Variants in LUZP2 observed in about 807,000 individuals in gnomAD.
The protein encoded by LUZP2 is leucine zipper protein 2.
In LUZP2, 52 loss-of-function variants were observed where a neutral mutation model predicts 51.6. The observed-to-expected ratio is 1.01, with a 90% confidence interval of 0.81 to 1.27. The LOEUF (loss-of-function observed/expected upper bound fraction) is 1.27, where lower values mean the gene tolerates loss of function less well. Among genes scored for constraint, LUZP2 ranks in the 50% most tolerant of loss-of-function variants. The pLI, the probability that LUZP2 is intolerant of heterozygous loss-of-function variation, is 0.00. For synonymous variants in LUZP2, 154 were observed against 137.3 expected (o/e 1.12, Z -0.85); for missense variants, 436 against 395.4 (o/e 1.10, Z -0.87).
intron 5 of LUZP2, among the ~76,000 whole-genome samples, chr11:24,824,161 C>T (rs1850447336): frequency 1.3e-5 from 2 of 151,156 alleles, no homozygotes; most frequent in African/African-American, 4.9e-5. Flanking sequence ...GTCGGGAGTT[C>T]GAGACCAGCC....
chr11:24,930,075 C>T (rs1854400231), intron 7 of LUZP2, among the ~76,000 whole-genome samples: 1 of 152,150 alleles, frequency 6.6e-6, no homozygotes, highest in African/African-American at 2.4e-5. Flanking sequence ...TGTTCATTTG[C>T]ATGAAATGTC....
At chr11:24,659,851 A>G (rs1855957177) in intron 1 of LUZP2, among the ~76,000 whole-genome samples, 1 of 152,194 alleles carries the variant, frequency 6.6e-6, no homozygotes, top group Non-Finnish European at 1.5e-5. Flanking sequence ...TTCTCCTTGA[A>G]TATGAGCAGA....
chr11:24,555,732 T>C (rs955991131), intron 1 of LUZP2, among the ~76,000 whole-genome samples: 5 of 152,188 alleles, frequency 3.3e-5, no homozygotes, highest in Admixed American at 6.5e-5. Context: ...TCCCAGCATG[T>C]TGGGAGGCCA....
At chr11:24,929,348 G>A (rs1854377067) in intron 7 of LUZP2, among the ~76,000 whole-genome samples, 1 of 151,988 alleles carries the variant, frequency 6.6e-6, no homozygotes, top group Admixed American at 6.6e-5. Flanking sequence ...TTTTATGTAG[G>A]CATTTAATGC....
chr11:24,742,057 T>TTTTATATATA (rs571183533), intron 4 of LUZP2, among the ~76,000 whole-genome samples: 7,323 of 116,270 alleles, frequency 0.063, 528 homozygotes, highest in African/African-American at 0.097. Context: ...ATAAATATAA[T>TTTTATATATA]TATATATATA....
chr11:25,051,671 T>C (rs1356017694), intron 10 of LUZP2, among the ~76,000 whole-genome samples: 1 of 152,130 alleles, frequency 6.6e-6, no homozygotes, highest in Non-Finnish European at 1.5e-5. Flanking sequence ...AGCTAAGAAA[T>C]TTAATTTGAA....
chr11:24,894,211 G>C (rs1299341430), intron 5 of LUZP2, among the ~76,000 whole-genome samples: 1 of 90,520 alleles, frequency 1.1e-5, no homozygotes, highest in Non-Finnish European at 2.2e-5. Context: ...TTTCATTCTT[G>C]TTACCCAGGC....
chr11:24,796,128 T>A (rs1395329831), intron 5 of LUZP2, among the ~76,000 whole-genome samples: 1 of 152,144 alleles, frequency 6.6e-6, no homozygotes, highest in East Asian at 1.9e-4. Context: ...CCAGAATTTA[T>A]CTGAAGCACA....
At chr11:24,616,893 G>T (rs1322745837) in intron 1 of LUZP2, among the ~76,000 whole-genome samples, 1 of 152,118 alleles carries the variant, frequency 6.6e-6, no homozygotes, top group African/African-American at 2.4e-5. Flanking sequence ...TGCAATCTTT[G>T]GTTGAGGTTT....
chr11:25,023,749 C>A (rs533086406), intron 9 of LUZP2, among the ~76,000 whole-genome samples: 8 of 152,152 alleles, frequency 5.3e-5, no homozygotes, highest in Non-Finnish European at 7.4e-5. Flanking sequence ...TAGATCTTTC[C>A]TGCTTTCTCT....
At chr11:24,751,232 A>G (rs1263432572) in intron 4 of LUZP2, among the ~76,000 whole-genome samples, 1 of 152,194 alleles carries the variant, frequency 6.6e-6, no homozygotes, top group Non-Finnish European at 1.5e-5. Flanking sequence ...ATTAAAAAAG[A>G]AGCATGCGAA....
At chr11:24,509,578 C>T (rs1850244667) in intron 1 of LUZP2, among the ~76,000 whole-genome samples, 1 of 148,936 alleles carries the variant, frequency 6.7e-6, no homozygotes, top group African/African-American at 2.5e-5. Context: ...TCATAGACAT[C>T]TTTCACTTTT....
In LUZP2 at chr11:25,081,715, T is replaced by C. The variant is rs934709440; in HGVS notation, c.*3057T>C. Reference sequence around the variant, plus strand: ...AACACTTAAATCCCAACCATCCTCATATAGAATAAAATATCAACCTAAATC... The same window carrying C: ...AACACTTAAATCCCAACCATCCTCACATAGAATAAAATATCAACCTAAATC... On this transcript the variant is annotated 3_prime_UTR_variant, in exon 12 of 12. Transcript: ENST00000336930. 4 of 152,152 alleles carry C rather than the reference T, an allele frequency of 2.6e-5. No homozygotes were observed. The highest frequency in any genetic ancestry group is 7.2e-5 in the African/African-American group (3 of 41,442). The allele number at this position is 152,152 out of a possible 1,614,324, so 9.4% of individuals were successfully genotyped here.
chr11:24,821,054 T>G (rs1322665215), intron 5 of LUZP2, among the ~76,000 whole-genome samples: 1 of 152,126 alleles, frequency 6.6e-6, no homozygotes, highest in Non-Finnish European at 1.5e-5. Context: ...AAGAGTGTTA[T>G]TAGGAAAAAT....
At position 24,980,222 on chromosome 11, in the gene LUZP2, G is replaced by T. The variant is rs1459581401; in HGVS notation, c.598-2904G>T. ...TCTTGTAAAGTTTCATTTATGTAGA[G>T]TTTAGATATTAGGGGCACAGTTGTC... is the stretch of plus-strand genomic sequence containing the variant. On this transcript the variant is annotated intron_variant, in intron 8 of 11. Coordinates refer to ENST00000336930, the MANE Select transcript of LUZP2 (RefSeq NM_001009909.4). Among the ~76,000 whole-genome samples, 4 of 151,666 alleles carry T rather than the reference G, an allele frequency of 2.6e-5. No homozygotes were observed. In the East Asian group the frequency reaches 7.8e-4, roughly 30 times the overall value.
chr11:24,761,532 GGAT>G (rs1859979466), intron 4 of LUZP2, among the ~76,000 whole-genome samples: 1 of 152,160 alleles, frequency 6.6e-6, no homozygotes, highest in Admixed American at 6.6e-5. Context: ...ATCATTCAAA[GGAT>G]GATTGCTAAT....
At chr11:24,562,375 T>A (rs572633582) in intron 1 of LUZP2, among the ~76,000 whole-genome samples, 33 of 151,856 alleles carry the variant, frequency 2.2e-4, no homozygotes, top group Middle Eastern at 3.4e-3. Context: ...TGAATGAAAG[T>A]GTTACTTGTT....
intron 9 of LUZP2, among the ~76,000 whole-genome samples, chr11:25,025,945 A>G (rs1036487276): frequency 3.3e-5 from 5 of 152,186 alleles, no homozygotes; most frequent in Non-Finnish European, 7.3e-5. Flanking sequence ...CATATACACC[A>G]TGGAATTCTA....
chr11:24,913,978 C>G (rs973020172), intron 6 of LUZP2, among the ~76,000 whole-genome samples: 1 of 152,026 alleles, frequency 6.6e-6, no homozygotes, highest in African/African-American at 2.4e-5. Context: ...ATGTATTGCT[C>G]TAAAATGCAA....
Sources: gnomAD v4.1 joint callset for allele counts (sites outside exome capture counted in the v4.1 genomes callset) on GRCh38, gnomAD v4.1.1 for gene constraint, MANE v1.5 for transcripts, NCBI Gene and HGNC (gene_info 2026-07-23, HGNC 2026-07-21) for gene names.